Variants in B4GALT4 observed in about 807,000 individuals in gnomAD.
B4GALT4 encodes beta-1,4-galactosyltransferase 4.
A neutral mutation model predicts 37.3 loss-of-function variants in B4GALT4; 27 were observed. The observed-to-expected ratio is 0.72, with a 90% confidence interval of 0.53 to 1.00. The LOEUF (loss-of-function observed/expected upper bound fraction) is 1.00, where lower values mean the gene tolerates loss of function less well. Ranked by LOEUF, B4GALT4 falls within the 50% of genes least tolerant of loss-of-function variation. The pLI is 0.00. For synonymous variants in B4GALT4, 148 were observed against 154.1 expected (o/e 0.96, Z 0.29); for missense variants, 372 against 413.1 (o/e 0.90, Z 0.86).
In B4GALT4 at chr3:119,234,221, G is replaced by A. The variant is rs144009611; in HGVS notation, c.-146+2632C>T. Among the ~76,000 whole-genome samples, 931 of 152,178 alleles carry A rather than the reference G, an allele frequency of 6.1e-3. 6 individuals are homozygous for A. The highest frequency in any genetic ancestry group is 0.021 in the African/African-American group (874 of 41,510). ...CAACCTCCGCCTCCCAGGTTCAAGC[G>A]ATTCTCCTGCCTCAGCCTCCCAAGT... On this transcript the variant is annotated intron_variant, in intron 2 of 7. Coordinates refer to ENST00000393765, the MANE Select transcript of B4GALT4 (RefSeq NM_003778.4).
At chr3:119,239,001 G>A (rs189537756) in intron 1 of B4GALT4, among the ~76,000 whole-genome samples, 25 of 152,260 alleles carry the variant, frequency 1.6e-4, no homozygotes, top group Non-Finnish European at 2.8e-4. Context: ...TCCAGCCCCA[G>A]AGATTTTTAT....
chr3:119,238,869 TA>T (rs1159301034), intron 1 of B4GALT4, among the ~76,000 whole-genome samples: 1 of 152,124 alleles, frequency 6.6e-6, no homozygotes, highest in Admixed American at 6.5e-5. Context: ...ATATAACCTT[TA>T]AGAAAACCTG....
At chr3:119,222,378 T>G (rs2078474635) in intron 5 of B4GALT4, among the ~76,000 whole-genome samples, 1 of 151,836 alleles carries the variant, frequency 6.6e-6, no homozygotes, top group African/African-American at 2.4e-5. Flanking sequence ...AGATCAAGTT[T>G]CCCCAAAGAA....
intron 7 of B4GALT4, chr3:119,213,154 G>A (rs2078205259): frequency 6.6e-6 from 1 of 152,382 alleles, no homozygotes; most frequent in Non-Finnish European, 1.5e-5. Flanking sequence ...AGGAAGTCGG[G>A]TGAGGTGTCA....
chr3:119,237,254 G>A (rs1466664432), intron 1 of B4GALT4, among the ~76,000 whole-genome samples, 184 bp from the exon 2 acceptor site: 1 of 142,044 alleles, frequency 7.0e-6, no homozygotes, highest in East Asian at 2.0e-4. Flanking sequence ...GCAGTCATTA[G>A]GGGCACCTCA....
At chr3:119,236,246 A>G (rs771390241) in intron 2 of B4GALT4, 3 of 152,092 alleles carry the variant, frequency 2.0e-5, no homozygotes, top group Non-Finnish European at 4.4e-5. Flanking sequence ...TTCAGATTGG[A>G]GGAGACTAAG....
intron 3 of B4GALT4, among the ~76,000 whole-genome samples, chr3:119,227,797 G>C (rs1362811351): frequency 6.6e-6 from 1 of 152,178 alleles, no homozygotes; most frequent in African/African-American, 2.4e-5. Flanking sequence ...TGCAAATTGA[G>C]CTATCCCCTT....
At position 119,224,142 on chromosome 3, in the gene B4GALT4, A is replaced by C. The variant is rs1356806703; in HGVS notation, c.590T>G (p.Leu197Arg). The change falls in exon 5 of 8, where the codon CTG becomes CGG. Residue 197 changes from leucine to arginine, a missense_variant. Transcript: ENST00000393765. ...AAGGTTAAAGTCATTCTCGGGTACCAGGTCCACATCGTGGAATATAAAGCA... is the reference window on the plus strand; with the variant it reads ...AAGGTTAAAGTCATTCTCGGGTACCCGGTCCACATCGTGGAATATAAAGCA... ...WDCFIFHDVD[L>R]VPENDFNLYK... is the part of the protein sequence containing the mutation. 1.2e-6 allele frequency: 2 copies of C among 1,614,188 alleles called. No individual in the cohort carries two copies.
intron 2 of B4GALT4, among the ~76,000 whole-genome samples, chr3:119,235,976 T>C (rs1204234792): frequency 1.3e-5 from 2 of 152,080 alleles, no homozygotes; most frequent in Non-Finnish European, 2.9e-5. Flanking sequence ...GGAAAAAAAA[T>C]CACTCTCAGC....
chr3:119,232,679 C>T (rs1158963180), intron 2 of B4GALT4, among the ~76,000 whole-genome samples: 1 of 152,174 alleles, frequency 6.6e-6, no homozygotes, highest in Non-Finnish European at 1.5e-5. Context: ...TCATCAGGTT[C>T]CTGGGGCCAA....
At chr3:119,212,872 C>G (rs1270554404) in intron 7 of B4GALT4, 191 bp from the exon 8 acceptor site, 1 of 559,012 alleles carries the variant, frequency 1.8e-6, no homozygotes, top group East Asian at 3.1e-5. Context: ...GTGTCAGACT[C>G]CACGTGAGAA....
rs544096870 is a variant in B4GALT4 at position 119,218,841 on chromosome 3, G to A, written c.675-69C>T. 4.7e-5 allele frequency: 75 copies of A among 1,579,420 alleles called. No homozygotes were observed. The Middle Eastern group carries it at 6.7e-4, about 14-fold the overall frequency. ...AAAGGTCTCTGATTTCAGGGCTGGCGTTCTAGGAACACCTGGGAGACCATG... is the reference window on the plus strand; with the variant it reads ...AAAGGTCTCTGATTTCAGGGCTGGCATTCTAGGAACACCTGGGAGACCATG... On this transcript the variant is annotated intron_variant, in intron 5 of 7. Coordinates refer to ENST00000393765, the MANE Select transcript of B4GALT4 (RefSeq NM_003778.4).
chr3:119,218,455 G>A (rs1005515946), intron 6 of B4GALT4, among the ~76,000 whole-genome samples, 195 bp downstream of exon 6: 8 of 152,102 alleles, frequency 5.3e-5, no homozygotes, highest in Non-Finnish European at 1.5e-5. Flanking sequence ...ATGCCCCCAG[G>A]CCAGAAGTAA....
At chr3:119,239,201 C>T (rs2107558268) in intron 1 of B4GALT4, among the ~76,000 whole-genome samples, 1 of 151,940 alleles carries the variant, frequency 6.6e-6, no homozygotes, top group Admixed American at 6.6e-5. Context: ...TGGCCTGGGC[C>T]TGTAGTCCCA....
chr3:119,228,774 T>C (rs933646150), intron 3 of B4GALT4, among the ~76,000 whole-genome samples: 2 of 143,320 alleles, frequency 1.4e-5, no homozygotes, highest in African/African-American at 5.3e-5. Flanking sequence ...GTAACTAGGT[T>C]TAGATGAGAT....
At chr3:119,219,259 C>T (rs1402996072) in intron 5 of B4GALT4, among the ~76,000 whole-genome samples, 1 of 152,220 alleles carries the variant, frequency 6.6e-6, no homozygotes, top group Non-Finnish European at 1.5e-5. Flanking sequence ...CCCGCACACA[C>T]TCTGTATGCA....
intron 2 of B4GALT4, among the ~76,000 whole-genome samples, chr3:119,234,464 G>A (rs1292610662): frequency 6.6e-6 from 1 of 152,170 alleles, no homozygotes; most frequent in Non-Finnish European, 1.5e-5. Context: ...TGTGATTCAT[G>A]TTCAAATGTT....
intron 1 of B4GALT4, chr3:119,239,943 C>G (rs2079098486): frequency 6.6e-6 from 1 of 151,254 alleles, no homozygotes; most frequent in Non-Finnish European, 1.5e-5. Context: ...TCATCCTGAT[C>G]TCTCCTTGAT....
intron 5 of B4GALT4, among the ~76,000 whole-genome samples, chr3:119,220,000 A>G (rs898888861): frequency 2.0e-5 from 3 of 152,240 alleles, no homozygotes; most frequent in African/African-American, 7.2e-5. Flanking sequence ...ATAAACATGT[A>G]GACACTGGCC....
Sources: gnomAD v4.1 joint callset for allele counts (sites outside exome capture counted in the v4.1 genomes callset) on GRCh38, gnomAD v4.1.1 for gene constraint, MANE v1.5 for transcripts, NCBI Gene and HGNC (gene_info 2026-07-23, HGNC 2026-07-21) for gene names.